The following GCKR variants were observed in gnomAD, a reference collection of about 807,000 sequenced individuals.
The protein encoded by GCKR is glucokinase regulator, also known as glucokinase regulatory protein.
Under a neutral mutation model 82.9 loss-of-function variants are expected in GCKR, and 73 were observed. The ratio of observed to expected loss-of-function variants is 0.88; its 90% CI spans 0.73 to 1.07. The LOEUF (loss-of-function observed/expected upper bound fraction) is 1.07. GCKR is among the 50% of genes least tolerant of loss of function. The probability of loss-of-function intolerance (pLI) is 0.00; values close to 1 mark genes in which losing one functional copy is unlikely to be tolerated. For missense variants in GCKR, 784 were observed against 782.1 expected, an observed-to-expected ratio of 1.00 and a Z score of -0.03; for synonymous variants, 294 against 291.8, an observed-to-expected ratio of 1.01 and a Z score of -0.08.
At chr2:27,516,742 G>A (rs111417543) in intron 16 of GCKR, among the ~76,000 whole-genome samples, 1 of 152,060 alleles carries the variant, frequency 6.6e-6, no homozygotes, top group Non-Finnish European at 1.5e-5. Context: ...AATGGTTAGT[G>A]GTATAACCTA....
chr2:27,509,057 G>A (rs1377027106), intron 16 of GCKR, among the ~76,000 whole-genome samples: 1 of 152,084 alleles, frequency 6.6e-6, no homozygotes, highest in Non-Finnish European at 1.5e-5. Flanking sequence ...CTGGATGCCG[G>A]TCTAGCTCTA....
intron 13 of GCKR, 64 bp downstream of exon 13, chr2:27,507,375 A>C: frequency 1.9e-6 from 2 of 1,039,920 alleles, no homozygotes; most frequent in Non-Finnish European, 3.0e-6. Context: ...GTGGAAGAAA[A>C]GGGGAAGGCG....
chr2:27,498,720 A>T lies in GCKR; in HGVS notation c.355-4A>T. On this transcript the variant is annotated splice_region_variant and splice_polypyrimidine_tract_variant and intron_variant, in intron 4 of 18. Transcript: ENST00000264717. ...CCTCTTTACATCCTCTCCCTGCTTG[A>T]CAGGTGTCCTTTAATCAGCTGATGA... The T allele has an allele frequency of 6.3e-7, 1 of 1,575,236 alleles. No individual in the cohort carries two copies. Among genetic ancestry groups the T allele is most frequent in the Admixed American group, 1.7e-5 (1 of 59,978 alleles).
chr2:27,509,775 C>CA (rs11295580), intron 16 of GCKR: 13,018 of 124,876 alleles, frequency 0.1, 1,004 homozygotes, highest in African/African-American at 0.21. Context: ...CTACCATCTT[C>CA]AAAAAAAAAA....
chr2:27,497,308 A>T lies in GCKR; in HGVS notation c.125A>T (p.Asp42Val). Residue 42 changes from aspartate (D) to valine (V), a missense_variant, in exon 2 of 19, where the codon GAC becomes GTC. By Grantham distance (152) the Asp-to-Val change is radical. Transcript: ENST00000264717. ...EKSNPLTQDL[D>V]KADAENIVRL... ...TCAAACCCACTGACCCAGGATCTAGACAAAGCAGATGCTGAGAACATTGTT... is the reference window on the plus strand; with the variant it reads ...TCAAACCCACTGACCCAGGATCTAGTCAAAGCAGATGCTGAGAACATTGTT... 6.2e-7 allele frequency: 1 copy of T among 1,614,116 alleles called. No individual in the cohort carries two copies. Among genetic ancestry groups the T allele is most frequent in the Admixed American group, 1.7e-5 (1 of 60,018 alleles).
intron 16 of GCKR, among the ~76,000 whole-genome samples, chr2:27,515,159 G>A (rs926262720): frequency 6.6e-6 from 1 of 152,134 alleles, no homozygotes; most frequent in African/African-American, 2.4e-5. Flanking sequence ...TGCATTTATA[G>A]TGGAGACAGG....
intron 16 of GCKR, among the ~76,000 whole-genome samples, chr2:27,510,127 G>T (rs1004366797): frequency 6.6e-6 from 1 of 151,780 alleles, no homozygotes. Flanking sequence ...TCCTGCCTCA[G>T]CCTCCTGAGC....
rs770165242 is a variant in GCKR, at chr2:27,503,495, GT to G, written c.645-18del. The stretch of plus-strand genomic sequence containing the variant: ...TCCTCATAGACAATCTCCCCACCTT[GT>G]GTCTCTCTGGACCTCAGAAATGACC... On this transcript the variant is annotated intron_variant, in intron 8 of 18. Transcript: ENST00000264717. 65 of 1,306,402 alleles carry G rather than the reference GT, an allele frequency of 5.0e-5. No homozygotes were observed. Among genetic ancestry groups the G allele is most frequent in the Non-Finnish European group, 6.8e-5 (61 of 898,888 alleles). 80.9% of individuals were successfully genotyped at this position (1,306,402 alleles called of 1,614,324 possible).
At chr2:27,515,098 C>T (rs1356635255) in intron 16 of GCKR, among the ~76,000 whole-genome samples, 2 of 152,108 alleles carry the variant, frequency 1.3e-5, no homozygotes. Context: ...CTGCCTCAGC[C>T]TCCCAAGTAG....
rs569746602 is a variant in GCKR, at chr2:27,522,692, A to G, written c.1707+98A>G. On this transcript the variant is annotated intron_variant, in intron 18 of 18. Transcript: ENST00000264717. ...CACTGGGTTTACAAAGCTCAGTGGC[A>G]CTCTGCTCACAAGGACCTCCACATT... is the stretch of plus-strand genomic sequence containing the variant. 5.9e-4 allele frequency: 595 copies of G among 1,004,924 alleles called. 6 individuals are homozygous for G. In the South Asian group the frequency reaches 7.3e-3, roughly 12 times the overall value. 62.3% of individuals were successfully genotyped at this position (1,004,924 alleles called of 1,614,324 possible).
chr2:27,511,717 AAAG>A (rs1241722615), intron 16 of GCKR, among the ~76,000 whole-genome samples: 9 of 152,080 alleles, frequency 5.9e-5, no homozygotes, highest in African/African-American at 2.2e-4. Flanking sequence ...AAAATAAAAA[AAAG>A]AAATATTTTC....
At position 27,507,607 on chromosome 2, in the gene GCKR, G is replaced by T. The variant is rs1035874532; in HGVS notation, c.1144-74G>T. ...ACAAAAGTGTTAGATCTCCTCCACG[G>T]CCCCCTTTAGTCCTCAAGTCTGTGC... On this transcript the variant is annotated intron_variant, in intron 13 of 18. Coordinates refer to ENST00000264717, the MANE Select transcript of GCKR (RefSeq NM_001486.4). 8.5e-6 allele frequency: 7 copies of T among 827,606 alleles called. No homozygotes were observed. In the African/African-American group the frequency reaches 1.0e-4, roughly 12 times the overall value. 51.3% of individuals were successfully genotyped at this position (827,606 alleles called of 1,614,324 possible). A position where few individuals can be genotyped will look rare whatever the true frequency, so the allele number is the denominator to read the frequency against.
chr2:27,519,600 C>T (rs1238959442), intron 17 of GCKR, among the ~76,000 whole-genome samples: 1 of 152,204 alleles, frequency 6.6e-6, no homozygotes, highest in Non-Finnish European at 1.5e-5. Context: ...CTGCACCCGG[C>T]CGTTGCTCTC....
Position 27,496,847 on chromosome 2 carries a change from C to A in GCKR, c.-58C>A. Reference sequence around the variant, plus strand: ...CAACTGGAAGCAGAGTCATTGTGACCAGAGGGGTTTGTGTGGCTGAAGAGG... The same window carrying A: ...CAACTGGAAGCAGAGTCATTGTGACAAGAGGGGTTTGTGTGGCTGAAGAGG... On this transcript the variant is annotated 5_prime_UTR_variant, in exon 1 of 19. Coordinates refer to ENST00000264717, the MANE Select transcript of GCKR (RefSeq NM_001486.4). 1 of 1,391,568 alleles carries A rather than the reference C, an allele frequency of 7.2e-7. No homozygotes were observed. Among genetic ancestry groups the A allele is most frequent in the Non-Finnish European group, 1.0e-6 (1 of 977,176 alleles). The allele number at this position is 1,391,568 out of a possible 1,614,324, so 86.2% of individuals were successfully genotyped here.
intron 16 of GCKR, among the ~76,000 whole-genome samples, chr2:27,514,886 A>G (rs1422322136): frequency 6.6e-6 from 1 of 152,060 alleles, no homozygotes; most frequent in Non-Finnish European, 1.5e-5. Context: ...CCTCTTGGAG[A>G]GTTTTGTGAA....
In GCKR at chr2:27,497,396, C is replaced by G. The variant is rs774155619; in HGVS notation, c.213C>G (p.Tyr71Ter). The G allele has an allele frequency of 1.9e-6, 3 of 1,613,148 alleles. No individual in the cohort carries two copies. Among genetic ancestry groups the G allele is most frequent in the African/African-American group, 2.7e-5 (2 of 74,058 alleles). ...AGGAGGGGCAAGCCCTGTCCACATA[C>G]CAGGTAACCAAGACCCAAGACCTGG... ...FQEEGQALST[Y>*]QRLYSESILT... Residue 71 changes from tyrosine (Y) to a stop codon, truncating the protein, a stop_gained, in exon 2 of 19, where the codon TAC (tyrosine) becomes TAG (stop). Coordinates refer to ENST00000264717, the MANE Select transcript of GCKR (RefSeq NM_001486.4). LOFTEE classifies it high-confidence loss of function.
chr2:27,516,280 C>CTTGTT (rs1558441765), intron 16 of GCKR, among the ~76,000 whole-genome samples: 1 of 88,398 alleles, frequency 1.1e-5, no homozygotes, highest in Non-Finnish European at 2.3e-5. Flanking sequence ...GTTCTTCATT[C>CTTGTT]TTGTTTTTTT....
chr2:27,515,583 T>C (rs138534086), intron 16 of GCKR, among the ~76,000 whole-genome samples: 1 of 152,128 alleles, frequency 6.6e-6, no homozygotes, highest in African/African-American at 2.4e-5. Flanking sequence ...TTCTAACATC[T>C]AAATTGTAAA....
chr2:27,503,165 A>G (rs1327611012), intron 8 of GCKR, among the ~76,000 whole-genome samples: 1 of 152,210 alleles, frequency 6.6e-6, no homozygotes, highest in Non-Finnish European at 1.5e-5. Context: ...CAATTTTGAC[A>G]TTTGAATAAC....
Sources: allele counts gnomAD v4.1 joint callset (sites outside exome capture counted in the v4.1 genomes callset), GRCh38; gene constraint gnomAD v4.1.1; transcripts MANE v1.5; gene names NCBI Gene and HGNC (gene_info 2026-07-23, HGNC 2026-07-21).